Variants in KCNMB4 observed in about 807,000 individuals in gnomAD.
The protein encoded by KCNMB4 is potassium calcium-activated channel subfamily M regulatory beta subunit 4, also known as calcium-activated potassium channel subunit beta-4.
A neutral mutation model predicts 20.7 loss-of-function variants in KCNMB4; 3 were observed. The observed-to-expected ratio is 0.14, with a 90% CI of 0.07 to 0.37. KCNMB4 has a LOEUF of 0.37. Ranked by LOEUF, KCNMB4 falls within the 10% of genes least tolerant of loss-of-function variation. The probability of loss-of-function intolerance (pLI) is 1.00; values close to 1 mark genes in which losing one functional copy is unlikely to be tolerated. For synonymous variants in KCNMB4, 110 were observed against 113.4 expected, an observed-to-expected ratio of 0.97 and a Z score of 0.19; for missense variants, 168 against 265.9, an observed-to-expected ratio of 0.63 and a Z score of 2.56.
Position 70,430,511 on chromosome 12 carries a change from C to T in KCNMB4, c.491C>T (p.Thr164Ile), listed in dbSNP as rs778607987. ...QRPDDVLLHR[T>I]HDEIVLLHCF... is the part of the protein sequence containing the mutation. ...CCAGATGATGTGCTTCTGCATCGCA[C>T]TCATGATGAGATTGTCCTCCTGCAT... is the stretch of plus-strand genomic sequence containing the variant. Residue 164 changes from threonine (T) to isoleucine (I), a missense_variant, in exon 3 of 3, where the codon ACT becomes ATT. Thr to Ile is a moderately conservative substitution (Grantham distance 89). Coordinates refer to ENST00000258111, the MANE Select transcript of KCNMB4 (RefSeq NM_014505.6). 6.2e-7 allele frequency: 1 copy of T among 1,612,954 alleles called. No individual in the cohort carries two copies. The highest frequency in any genetic ancestry group is 2.2e-5 in the East Asian group (1 of 44,830).
intron 1 of KCNMB4, among the ~76,000 whole-genome samples, chr12:70,381,950 A>G (rs1389169909): frequency 6.6e-6 from 1 of 152,264 alleles, no homozygotes; most frequent in Non-Finnish European, 1.5e-5. Context: ...CAGCATTTCA[A>G]ATAACTTGTA....
intron 1 of KCNMB4, among the ~76,000 whole-genome samples, chr12:70,384,623 G>T (rs774570163): frequency 2.6e-5 from 4 of 152,198 alleles, no homozygotes; most frequent in Non-Finnish European, 4.4e-5. Flanking sequence ...AGTGGCTCAT[G>T]CCTGTAATCC....
chr12:70,392,165 GA>G (rs753855738), intron 1 of KCNMB4, among the ~76,000 whole-genome samples: 15 of 152,256 alleles, frequency 9.9e-5, no homozygotes, highest in Non-Finnish European at 1.9e-4. Context: ...TGCCATCAAT[GA>G]AGCCATCTGA....
intron 1 of KCNMB4, 59 bp from the exon 2 acceptor site, chr12:70,400,150 G>C (rs1868412621): frequency 7.6e-7 from 1 of 1,316,842 alleles, no homozygotes; most frequent in Non-Finnish European, 1.0e-6. Context: ...TATAAAAAAA[G>C]ACTGTATCTC....
chr12:70,394,802 G>T (rs761337470), intron 1 of KCNMB4, among the ~76,000 whole-genome samples: 2 of 152,104 alleles, frequency 1.3e-5, no homozygotes, highest in Admixed American at 1.3e-4. Context: ...GAGTAGCGGT[G>T]ACTACAGGTG....
chr12:70,398,805 A>T (rs763371151), intron 1 of KCNMB4, among the ~76,000 whole-genome samples: 4 of 152,222 alleles, frequency 2.6e-5, no homozygotes, highest in Non-Finnish European at 5.9e-5. Context: ...TCACCTCGCC[A>T]GCAAATTGGG....
intron 1 of KCNMB4, among the ~76,000 whole-genome samples, chr12:70,382,216 C>A (rs1044822172): frequency 1.3e-5 from 2 of 151,652 alleles, no homozygotes; most frequent in Admixed American, 1.3e-4. Flanking sequence ...GAGGCCGAGG[C>A]GGGCGGATCA....
intron 1 of KCNMB4, among the ~76,000 whole-genome samples, chr12:70,393,210 A>AT (rs1240866003): frequency 6.6e-6 from 1 of 151,752 alleles, no homozygotes; most frequent in Non-Finnish European, 1.5e-5. Flanking sequence ...TATTTATTTT[A>AT]TTTTATTTTT....
intron 1 of KCNMB4, among the ~76,000 whole-genome samples, chr12:70,374,235 G>A (rs760571936): frequency 2.6e-5 from 4 of 152,096 alleles, no homozygotes; most frequent in African/African-American, 4.8e-5. Flanking sequence ...AACTTGCCTC[G>A]TTATATAGCT....
rs758535497 is a variant in KCNMB4, at chr12:70,366,791, G to C, written c.57G>C (p.Arg19=). The C allele has an allele frequency of 1.1e-5, 17 of 1,611,944 alleles. No individual in the cohort carries two copies. The highest frequency in any genetic ancestry group is 1.4e-5 in the Non-Finnish European group (16 of 1,179,870). The change falls in exon 1 of 3, where the codon CGG becomes CGC. Residue 19 remains arginine (R), a synonymous_variant. Transcript: ENST00000258111. ...EYTEAEDKSI[R]LGLFLIISGV... ...CGGAAGCCGAGGACAAGAGCATCCG[G>C]CTCGGCTTGTTTCTCATCATCTCCG...
chr12:70,372,198 G>A (rs1883608227), intron 1 of KCNMB4, among the ~76,000 whole-genome samples: 1 of 152,342 alleles, frequency 6.6e-6, no homozygotes, highest in Admixed American at 6.5e-5. Context: ...ACCACAGTGA[G>A]CAAGGTGGAC....
chr12:70,429,344 T>A (rs1869294403), intron 2 of KCNMB4, among the ~76,000 whole-genome samples: 1 of 152,144 alleles, frequency 6.6e-6, no homozygotes, highest in Admixed American at 6.6e-5. Flanking sequence ...CGGAAATATC[T>A]TACAAAATGT....
chr12:70,382,326 T>G (rs2163914), intron 1 of KCNMB4, among the ~76,000 whole-genome samples: 78,376 of 149,394 alleles, frequency 0.52, 22,091 homozygotes, highest in African/African-American at 0.75. Context: ...CCAGCTACTC[T>G]GGAGGCTGAG....
chr12:70,372,662 G>A (rs1032030058), intron 1 of KCNMB4, among the ~76,000 whole-genome samples: 4 of 152,184 alleles, frequency 2.6e-5, no homozygotes, highest in Non-Finnish European at 4.4e-5. Flanking sequence ...TGAAAATCAA[G>A]GGTTCAGTTT....
At chr12:70,382,547 G>A (rs1308428561) in intron 1 of KCNMB4, among the ~76,000 whole-genome samples, 2 of 151,894 alleles carry the variant, frequency 1.3e-5, no homozygotes, top group African/African-American at 2.4e-5. Flanking sequence ...TATGGGGTGG[G>A]CAAAGCTTTT....
chr12:70,394,481 A>G (rs545925399), intron 1 of KCNMB4, among the ~76,000 whole-genome samples: 2 of 152,272 alleles, frequency 1.3e-5, no homozygotes, highest in African/African-American at 2.4e-5. Flanking sequence ...ACTTTCATTT[A>G]GCTTTCAGAT....
intron 1 of KCNMB4, among the ~76,000 whole-genome samples, chr12:70,369,052 A>G (rs944894380): frequency 1.3e-5 from 2 of 152,202 alleles, no homozygotes; most frequent in African/African-American, 4.8e-5. Context: ...GTTTTGAAAA[A>G]GTACCTGAAC....
intron 1 of KCNMB4, among the ~76,000 whole-genome samples, chr12:70,381,900 T>A (rs1691581): frequency 0.2 from 30,323 of 152,174 alleles, 5,322 homozygotes; most frequent in African/African-American, 0.48. Context: ...AATAAATCTC[T>A]TGCCCAAAAA....
intron 2 of KCNMB4, among the ~76,000 whole-genome samples, chr12:70,406,875 C>T (rs1868617567): frequency 6.6e-6 from 1 of 152,148 alleles, no homozygotes; most frequent in Non-Finnish European, 1.5e-5. Flanking sequence ...AGAGCTAAAC[C>T]AAATTATATA....
Sources: allele counts gnomAD v4.1 joint callset (sites outside exome capture counted in the v4.1 genomes callset), GRCh38; gene constraint gnomAD v4.1.1; transcripts MANE v1.5; gene names NCBI Gene and HGNC (gene_info 2026-07-23, HGNC 2026-07-21).